LPAR5: variants seen among roughly 807,000 people sequenced by gnomAD.
LPAR5 encodes the protein G protein-coupled receptor 92.
For synonymous variants in LPAR5, 271 were observed against 261.6 expected, an observed-to-expected ratio of 1.04 and a Z score of -0.35; for missense variants, 544 against 521.8, an observed-to-expected ratio of 1.04 and a Z score of -0.41.
chr12:6,623,830 A>G (rs1438490631), intron 1 of LPAR5, among the ~76,000 whole-genome samples: 1 of 152,020 alleles, frequency 6.6e-6, no homozygotes, highest in Non-Finnish European at 1.5e-5. Flanking sequence ...TCCAAAGAAT[A>G]AAGGTCAAAC....
In LPAR5 at chr12:6,620,083, C is replaced by G. The variant is rs375585749; in HGVS notation, c.*47G>C. 2 of 1,608,852 alleles carry G rather than the reference C, an allele frequency of 1.2e-6. No individual in the cohort carries two copies. Among genetic ancestry groups the G allele is most frequent in the Non-Finnish European group, 1.7e-6 (2 of 1,177,068 alleles). On this transcript the variant is annotated 3_prime_UTR_variant, in exon 2 of 2. Transcript: ENST00000329858. This position sits in a 1 kb window ranked among gnomAD's most constrained non-coding sequence, Gnocchi z 6.8. ...TGTACACCCTGTAAGCCTCCCAGAA[C>G]GAGAGGCGTTGGGAGTCGGGCACGG...
intron 1 of LPAR5, among the ~76,000 whole-genome samples, chr12:6,632,890 G>A (rs924031826): frequency 2.0e-5 from 3 of 152,090 alleles, no homozygotes; most frequent in Non-Finnish European, 2.9e-5. Flanking sequence ...CACGGATCCC[G>A]GGTGTCAGGT....
Position 6,620,494 on chromosome 12 carries a change from CTGT to C in LPAR5, c.752_754del (p.Asn251del). ...CAGCAGCCCGTAGACCGCCAGCGTG[CTGT>C]TGTAGGGCACGAAGCACAGCAGGAA... On this transcript the variant is annotated inframe_deletion, in exon 2 of 2. Transcript: ENST00000329858. This position sits in a 1 kb window ranked among gnomAD's most constrained non-coding sequence, Gnocchi z 6.8. 6.3e-7 allele frequency: 1 copy of C among 1,586,810 alleles called. No individual in the cohort carries two copies.
At chr12:6,634,315 A>T (rs913611112) in intron 1 of LPAR5, among the ~76,000 whole-genome samples, 1 of 151,824 alleles carries the variant, frequency 6.6e-6, no homozygotes, top group African/African-American at 2.4e-5. Context: ...CTACAAAAAA[A>T]TTTCAAAAAA....
At chr12:6,632,587 C>G (rs1948986833) in intron 1 of LPAR5, among the ~76,000 whole-genome samples, 2 of 152,214 alleles carry the variant, frequency 1.3e-5, no homozygotes, top group Non-Finnish European at 2.9e-5. Flanking sequence ...CTCAGTATCT[C>G]TGTATCCAGG....
chr12:6,620,996 G>A lies in LPAR5; in HGVS notation c.253C>T (p.His85Tyr). ...AGGAGGTCGGGGAAGGGCCAGTGGTGCAGTGCGTAGTAGGAGAGACGAACG... is the reference window on the plus strand; with the variant it reads ...AGGAGGTCGGGGAAGGGCCAGTGGTACAGTGCGTAGTAGGAGAGACGAACG... ...LPVRLSYYAL[H>Y]HWPFPDLLCQ... Residue 85 changes from histidine (H) to tyrosine (Y), a missense_variant, in exon 2 of 2, where the codon CAC (histidine) becomes TAC (tyrosine). Coordinates refer to ENST00000329858, the MANE Select transcript of LPAR5 (RefSeq NM_020400.6). This position sits in a 1 kb window ranked among gnomAD's most constrained non-coding sequence, Gnocchi z 6.8. 1.2e-6 allele frequency: 2 copies of A among 1,613,532 alleles called. No homozygotes were observed. The highest frequency in any genetic ancestry group is 1.7e-6 in the Non-Finnish European group (2 of 1,179,776).
chr12:6,623,472 T>G (rs998149421), intron 1 of LPAR5, among the ~76,000 whole-genome samples: 3 of 152,052 alleles, frequency 2.0e-5, no homozygotes, highest in Middle Eastern at 3.4e-3. Context: ...AGGCAGAGGT[T>G]GCAATGAGTC....
intron 1 of LPAR5, among the ~76,000 whole-genome samples, chr12:6,623,754 GC>G (rs1200987540): frequency 6.6e-6 from 1 of 152,152 alleles, no homozygotes. Flanking sequence ...CAGATAATAA[GC>G]ACAAATCAAT....
Position 6,621,055 on chromosome 12 carries a change from G to T in LPAR5, c.194C>A (p.Ala65Glu), listed in dbSNP as rs868685288. The T allele has an allele frequency of 1.9e-6, 3 of 1,605,416 alleles. No homozygotes were observed. Among genetic ancestry groups the T allele is most frequent in the Admixed American group, 3.4e-5 (2 of 59,320 alleles). Reference protein sequence around the residue: ...SVVSVYMCNLAASDLLFTLSL... With the variant: ...SVVSVYMCNLEASDLLFTLSL... ...GAGGGTGAAGAGCAGGTCGCTGGCC[G>T]CCAGGTTACACATGTACACGCTCAC... The change falls in exon 2 of 2, where the codon GCG (alanine) becomes GAG (glutamate). Residue 65 changes from alanine to glutamate, a missense_variant. Transcript: ENST00000329858.
Position 6,621,330 on chromosome 12 carries a change from T to C in LPAR5, c.-82A>G. The C allele has an allele frequency of 7.4e-7, 1 of 1,359,112 alleles. No homozygotes were observed. The allele number at this position is 1,359,112 out of a possible 1,614,324, so 84.2% of individuals were successfully genotyped here. On this transcript the variant is annotated 5_prime_UTR_variant, in exon 2 of 2. Transcript: ENST00000329858. ...ATGGCATGGCATTCACCTCCGGGGCTGGGGCCTAGAGGCTGTACAGACATG... is the reference window on the plus strand; with the variant it reads ...ATGGCATGGCATTCACCTCCGGGGCCGGGGCCTAGAGGCTGTACAGACATG...
At chr12:6,633,259 G>C (rs1948991893) in intron 1 of LPAR5, among the ~76,000 whole-genome samples, 1 of 152,164 alleles carries the variant, frequency 6.6e-6, no homozygotes, top group African/African-American at 2.4e-5. Flanking sequence ...TCCTGAGGTG[G>C]TCTGTGTGCA....
chr12:6,620,020 C>T lies in LPAR5; in HGVS notation c.*110G>A. ...CTTCTGCGTTGCTAAGCTGGAATTG[C>T]CACCCAAAGGTCCAAGTGCCCAGCC... On this transcript the variant is annotated 3_prime_UTR_variant, in exon 2 of 2. Coordinates refer to ENST00000329858, the MANE Select transcript of LPAR5 (RefSeq NM_020400.6). The surrounding 1 kb of genome is among the most constrained non-coding windows in gnomAD (Gnocchi z 6.8). 1 of 1,422,294 alleles carries T rather than the reference C, an allele frequency of 7.0e-7. No individual in the cohort carries two copies. The highest frequency in any genetic ancestry group is 9.7e-7 in the Non-Finnish European group (1 of 1,028,334). 88.1% of individuals were successfully genotyped at this position (1,422,294 alleles called of 1,614,324 possible). A position where few individuals can be genotyped will look rare whatever the true frequency, so the allele number is the denominator to read the frequency against.
chr12:6,635,305 A>G (rs757898142), intron 1 of LPAR5, among the ~76,000 whole-genome samples: 1 of 152,132 alleles, frequency 6.6e-6, no homozygotes, highest in South Asian at 2.1e-4. Flanking sequence ...GCCACCATCT[A>G]TCAGAGCCAT....
At chr12:6,634,199 G>C (rs1404250773) in intron 1 of LPAR5, among the ~76,000 whole-genome samples, 1 of 152,058 alleles carries the variant, frequency 6.6e-6, no homozygotes, top group Non-Finnish European at 1.5e-5. Flanking sequence ...AGAGACGGGG[G>C]TTTCACCATG....
At chr12:6,625,596 G>A (rs374505227) in intron 1 of LPAR5, among the ~76,000 whole-genome samples, 13 of 151,198 alleles carry the variant, frequency 8.6e-5, no homozygotes, top group Middle Eastern at 3.4e-3. Context: ...GGTGGTGGGC[G>A]CCTGTAGTCC....
Position 6,620,775 on chromosome 12 carries a change from G to A in LPAR5, c.474C>T (p.Arg158=), listed in dbSNP as rs1008689368. Residue 158 remains arginine, a synonymous_variant, in exon 2 of 2, where the codon CGC becomes CGT. Coordinates refer to ENST00000329858, the MANE Select transcript of LPAR5 (RefSeq NM_020400.6). This position sits in a 1 kb window ranked among gnomAD's most constrained non-coding sequence, Gnocchi z 6.8. ...LILVFAVPAA[R]VHRPSRCRYR... Reference sequence around the variant, plus strand: ...AGCGGCAACGCGAGGGCCTGTGCACGCGGGCGGCGGGCACGGCAAACACCA... The same window carrying A: ...AGCGGCAACGCGAGGGCCTGTGCACACGGGCGGCGGGCACGGCAAACACCA... The A allele has an allele frequency of 7.6e-6, 12 of 1,585,168 alleles. No individual in the cohort carries two copies. The highest frequency in any genetic ancestry group is 8.6e-6 in the Non-Finnish European group (10 of 1,166,458).
chr12:6,628,104 C>A (rs1439533031), intron 1 of LPAR5, among the ~76,000 whole-genome samples: 1 of 150,172 alleles, frequency 6.7e-6, no homozygotes, highest in Non-Finnish European at 1.5e-5. Context: ...TCACTGCAAG[C>A]TCTGCCTCCC....
intron 1 of LPAR5, among the ~76,000 whole-genome samples, chr12:6,635,084 C>T (rs1000112868): frequency 7.7e-6 from 1 of 130,056 alleles, no homozygotes; most frequent in African/African-American, 2.7e-5. Flanking sequence ...GAGACTCTGT[C>T]TCAAAAAAAA....
rs766349066 is a variant in LPAR5 at position 6,621,180 on chromosome 12, G to A, written c.69C>T (p.Arg23=). ...CCAAGCTGTAGACCACCAAGTGCAG[G>A]CGGTGGGTAGGTCGGTAGTCAGGAC... ...LPCPDYRPTH[R]LHLVVYSLVL... Residue 23 remains arginine (R), a synonymous_variant, in exon 2 of 2, where the codon CGC becomes CGT. Coordinates refer to ENST00000329858, the MANE Select transcript of LPAR5 (RefSeq NM_020400.6). The A allele has an allele frequency of 1.3e-6, 2 of 1,569,422 alleles. No individual in the cohort carries two copies. Among genetic ancestry groups the A allele is most frequent in the African/African-American group, 1.4e-5 (1 of 73,616 alleles).
Sources: allele counts gnomAD v4.1 joint callset (sites outside exome capture counted in the v4.1 genomes callset), GRCh38; gene constraint gnomAD v4.1.1; non-coding constraint Gnocchi (gnomAD v3.1); transcripts MANE v1.5; gene names NCBI Gene and HGNC (gene_info 2026-07-23, HGNC 2026-07-21).